ANKS1B: variants seen among roughly 807,000 people sequenced by gnomAD.
ANKS1B encodes the protein ankyrin repeat and sterile alpha motif domain containing 1B, also known as ankyrin repeat and sterile alpha motif domain-containing protein 1B.
ANKS1B carries 36 observed loss-of-function variants against 148.3 expected under a neutral mutation model. The observed-to-expected ratio is 0.24, with a 90% confidence interval of 0.19 to 0.32. The LOEUF (loss-of-function observed/expected upper bound fraction) is 0.32, where lower values mean the gene tolerates loss of function less well. Ranked by LOEUF, ANKS1B falls within the 10% of genes least tolerant of loss-of-function variation. The pLI, the probability that ANKS1B is intolerant of heterozygous loss-of-function variation, is 1.00. For synonymous variants in ANKS1B, 542 were observed against 560.8 expected, an observed-to-expected ratio of 0.97 and a Z score of 0.47; for missense variants, 1,157 against 1,542.6, an observed-to-expected ratio of 0.75 and a Z score of 4.19.
At position 99,897,532 on chromosome 12, in the gene ANKS1B, T is replaced by C. The variant is rs1427738720; in HGVS notation, c.135-72143A>G. Among the ~76,000 whole-genome samples the C allele has an allele frequency of 1.3e-5, 2 of 151,262 alleles. 1 individual carries two copies. The highest frequency in any genetic ancestry group is 3.0e-5 in the Non-Finnish European group (2 of 67,568). On this transcript the variant is annotated intron_variant, in intron 1 of 26. Transcript: ENST00000683438. ...CCACACAAAAGATTGGTGTAAACTATTCCAGATTCAAATAAAACATATCAT... is the reference window on the plus strand; with the variant it reads ...CCACACAAAAGATTGGTGTAAACTACTCCAGATTCAAATAAAACATATCAT...
At chr12:99,399,501 T>C in intron 12 of ANKS1B, 130 bp downstream of exon 12, 1 of 904,846 alleles carries the variant, frequency 1.1e-6, no homozygotes, top group Non-Finnish European at 1.7e-6. Context: ...CTTAAAGCCC[T>C]ACATTGCCAC....
At chr12:98,769,194 T>TTTTTTTTTTTC (rs2098534838) in intron 25 of ANKS1B, among the ~76,000 whole-genome samples, 1 of 114,002 alleles carries the variant, frequency 8.8e-6, no homozygotes, top group African/African-American at 3.3e-5. Context: ...TTTTTTTTTT[T>TTTTTTTTTTTC]GCCATTTGGG....
chr12:99,485,234 G>C (rs536998076), intron 10 of ANKS1B, among the ~76,000 whole-genome samples: 3 of 152,136 alleles, frequency 2.0e-5, no homozygotes, highest in Admixed American at 2.0e-4. Flanking sequence ...CTCAAGATCT[G>C]TCTGAAAATC....
At chr12:99,905,243 G>T (rs1055318882) in intron 1 of ANKS1B, among the ~76,000 whole-genome samples, 27 of 152,300 alleles carry the variant, frequency 1.8e-4, no homozygotes, top group African/African-American at 6.5e-4. Flanking sequence ...GTGCCATGTT[G>T]TACCCAAATG....
intron 9 of ANKS1B, among the ~76,000 whole-genome samples, chr12:99,589,952 T>TAAA (rs2097682929): frequency 6.6e-6 from 1 of 152,142 alleles, no homozygotes; most frequent in African/African-American, 2.4e-5. Context: ...TGTGCAACTA[T>TAAA]TATGTATCCA....
intron 8 of ANKS1B, among the ~76,000 whole-genome samples, chr12:99,668,989 C>A (rs1038245946): frequency 6.6e-6 from 1 of 152,040 alleles, no homozygotes; most frequent in African/African-American, 2.4e-5. Flanking sequence ...CCTTTGAACT[C>A]TTTTATATCT....
chr12:99,558,075 A>G (rs570889252), intron 9 of ANKS1B, among the ~76,000 whole-genome samples: 3 of 152,302 alleles, frequency 2.0e-5, no homozygotes, highest in Admixed American at 2.0e-4. Context: ...CAACGCTACA[A>G]TGGAGAGTGT....
intron 19 of ANKS1B, among the ~76,000 whole-genome samples, chr12:98,825,530 G>A (rs1048382988): frequency 2.0e-5 from 3 of 152,024 alleles, no homozygotes; most frequent in Admixed American, 2.0e-4. Context: ...TTTATGCAAA[G>A]ATATGCATTT....
intron 8 of ANKS1B, among the ~76,000 whole-genome samples, chr12:99,751,302 CAAAAAATAA>C (rs2061084866): frequency 6.6e-6 from 1 of 151,776 alleles, no homozygotes; most frequent in Non-Finnish European, 1.5e-5. Flanking sequence ...TTAAAATAAA[CAAAAAATAA>C]ATAAAAATCA....
At chr12:98,781,513 T>C in intron 23 of ANKS1B, 1 of 484,520 alleles carries the variant, frequency 2.1e-6, no homozygotes, top group Non-Finnish European at 4.0e-6. Context: ...CACTAAAGGG[T>C]GAATGAAGAG....
At chr12:99,674,395 G>T (rs1223395227) in intron 8 of ANKS1B, among the ~76,000 whole-genome samples, 1 of 151,734 alleles carries the variant, frequency 6.6e-6, no homozygotes, top group Non-Finnish European at 1.5e-5. Flanking sequence ...AGCTGGACCT[G>T]CAAGGAAAGA....
chr12:98,941,467 G>C (rs1012429364), intron 17 of ANKS1B, among the ~76,000 whole-genome samples: 1 of 152,178 alleles, frequency 6.6e-6, no homozygotes, highest in Admixed American at 6.6e-5. Flanking sequence ...GTTTGACTTC[G>C]CCTGGGCATG....
chr12:99,541,026 T>C (rs532854395), intron 9 of ANKS1B, among the ~76,000 whole-genome samples: 4 of 152,140 alleles, frequency 2.6e-5, no homozygotes, highest in African/African-American at 4.8e-5. Context: ...ACAAAACAGA[T>C]AGGCTAGCTG....
intron 17 of ANKS1B, among the ~76,000 whole-genome samples, chr12:98,933,067 C>T (rs2099815138): frequency 6.6e-6 from 1 of 152,078 alleles, no homozygotes; most frequent in Non-Finnish European, 1.5e-5. Flanking sequence ...CACAGTAGAC[C>T]TCTAGAGCAT....
intron 14 of ANKS1B, among the ~76,000 whole-genome samples, chr12:99,220,274 A>G (rs1601794580): frequency 1.3e-5 from 2 of 152,242 alleles, no homozygotes; most frequent in East Asian, 3.9e-4. Flanking sequence ...CTGGGATTAC[A>G]GGTGTAAGCC....
intron 1 of ANKS1B, among the ~76,000 whole-genome samples, chr12:99,859,223 C>T (rs1031882774): frequency 6.6e-6 from 1 of 152,190 alleles, no homozygotes; most frequent in Non-Finnish European, 1.5e-5. Flanking sequence ...ATCAGTTAGT[C>T]TTATTGTGGC....
At chr12:99,280,934 C>CGTGCGCACAT in intron 12 of ANKS1B, among the ~76,000 whole-genome samples, 1 of 151,928 alleles carries the variant, frequency 6.6e-6, no homozygotes, top group East Asian at 1.9e-4. Flanking sequence ...CACATACACA[C>CGTGCGCACAT]ACACACACAC....
At chr12:99,057,022 T>C (rs539600127) in intron 16 of ANKS1B, among the ~76,000 whole-genome samples, 11 of 152,320 alleles carry the variant, frequency 7.2e-5, no homozygotes, top group African/African-American at 2.6e-4. Flanking sequence ...TTGGGAGTTA[T>C]CTTACTTTCC....
chr12:99,299,887 A>G (rs2081375508), intron 12 of ANKS1B, among the ~76,000 whole-genome samples: 1 of 152,102 alleles, frequency 6.6e-6, no homozygotes, highest in Non-Finnish European at 1.5e-5. Context: ...TGCTTTAATG[A>G]TTTATTGCCT....
Sources: allele counts gnomAD v4.1 joint callset (sites outside exome capture counted in the v4.1 genomes callset), GRCh38; gene constraint gnomAD v4.1.1; transcripts MANE v1.5; gene names NCBI Gene and HGNC (gene_info 2026-07-23, HGNC 2026-07-21).